CLSTN2: variants seen among roughly 807,000 people sequenced by gnomAD.
CLSTN2 encodes the protein calsyntenin-2.
In CLSTN2, 48 loss-of-function variants were observed where a neutral mutation model predicts 101.2. The ratio of observed to expected loss-of-function variants is 0.47; its 90% CI spans 0.38 to 0.60. The LOEUF is 0.60. CLSTN2 is among the 20% of genes least tolerant of loss of function. CLSTN2 has a pLI of 0.00. For missense variants in CLSTN2, 1,160 were observed against 1,238.2 expected, an observed-to-expected ratio of 0.94 and a Z score of 0.95; for synonymous variants, 481 against 463.6, an observed-to-expected ratio of 1.04 and a Z score of -0.48.
chr3:140,328,850 C>T (rs116132629), intron 2 of CLSTN2, among the ~76,000 whole-genome samples: 1,573 of 152,294 alleles, frequency 0.01, 11 homozygotes, highest in Non-Finnish European at 0.016. Flanking sequence ...TAAACAGTAC[C>T]TGGCATGCAG....
At chr3:140,295,204 A>T (rs917339109) in intron 2 of CLSTN2, among the ~76,000 whole-genome samples, 1 of 152,136 alleles carries the variant, frequency 6.6e-6, no homozygotes, top group Non-Finnish European at 1.5e-5. Context: ...TGATCACATG[A>T]CCATATTTTC....
chr3:140,472,788 T>C (rs1159559401), intron 8 of CLSTN2, among the ~76,000 whole-genome samples: 4 of 152,180 alleles, frequency 2.6e-5, no homozygotes, highest in African/African-American at 9.7e-5. Flanking sequence ...GTGAATAATA[T>C]ATGTATGTGT....
At chr3:140,394,716 G>C (rs188154148) in intron 2 of CLSTN2, among the ~76,000 whole-genome samples, 3 of 152,310 alleles carry the variant, frequency 2.0e-5, no homozygotes, top group Non-Finnish European at 4.4e-5. Flanking sequence ...AGGCAGGTCA[G>C]GGCACAGAAC....
chr3:140,455,828 C>T (rs1040774503), intron 6 of CLSTN2, among the ~76,000 whole-genome samples: 9 of 152,180 alleles, frequency 5.9e-5, no homozygotes, highest in East Asian at 5.8e-4. Flanking sequence ...AAATGAAATA[C>T]AATCTGTTAA....
At chr3:140,157,706 G>A (rs2009977947) in intron 1 of CLSTN2, among the ~76,000 whole-genome samples, 1 of 152,100 alleles carries the variant, frequency 6.6e-6, no homozygotes, top group Non-Finnish European at 1.5e-5. Context: ...TTGATTGTTT[G>A]TATGGATTTC....
At chr3:140,071,832 AAAATAAATAAAT>A (rs142873442) in intron 1 of CLSTN2, among the ~76,000 whole-genome samples, 1 of 149,740 alleles carries the variant, frequency 6.7e-6, no homozygotes, top group African/African-American at 2.5e-5. Flanking sequence ...CTCCGTCTAA[AAAATAAATAAAT>A]AAATAAATAA....
intron 2 of CLSTN2, among the ~76,000 whole-genome samples, chr3:140,233,984 G>C (rs973881746): frequency 1.3e-5 from 2 of 152,176 alleles, no homozygotes; most frequent in Non-Finnish European, 2.9e-5. Context: ...AAGTAGTCAT[G>C]ACAGAAACCA....
intron 2 of CLSTN2, among the ~76,000 whole-genome samples, chr3:140,291,575 T>A (rs2086953712): frequency 6.6e-6 from 1 of 151,956 alleles, no homozygotes; most frequent in Non-Finnish European, 1.5e-5. Flanking sequence ...CTTTTATTCA[T>A]TGTTTCTGCC....
At chr3:140,335,446 T>A (rs963423413) in intron 2 of CLSTN2, among the ~76,000 whole-genome samples, 1 of 135,964 alleles carries the variant, frequency 7.4e-6, no homozygotes, top group Non-Finnish European at 1.6e-5. Flanking sequence ...GCTCAGAAGA[T>A]GTGAAAGGCC....
At chr3:140,106,079 G>T (rs2009053367) in intron 1 of CLSTN2, among the ~76,000 whole-genome samples, 1 of 152,174 alleles carries the variant, frequency 6.6e-6, no homozygotes, top group Non-Finnish European at 1.5e-5. Context: ...ACCTGAAGCT[G>T]CCTTATATAG....
intron 8 of CLSTN2, among the ~76,000 whole-genome samples, chr3:140,515,830 T>C (rs559045402): frequency 6.6e-6 from 1 of 152,280 alleles, no homozygotes; most frequent in East Asian, 1.9e-4. Context: ...GAGTAGAATG[T>C]TCTGTAAATA....
intron 8 of CLSTN2, chr3:140,507,831 A>G (rs1247703526): frequency 2.0e-5 from 3 of 152,160 alleles, no homozygotes; most frequent in African/African-American, 7.2e-5. Flanking sequence ...GTGACCTCAT[A>G]CCAATAAATA....
intron 2 of CLSTN2, among the ~76,000 whole-genome samples, chr3:140,305,817 G>T (rs997772376): frequency 6.0e-5 from 9 of 149,330 alleles, no homozygotes; most frequent in Non-Finnish European, 1.0e-4. Context: ...ATGAATATGG[G>T]TTTTTTTTTT....
At chr3:140,284,125 C>A (rs2107898639) in intron 2 of CLSTN2, among the ~76,000 whole-genome samples, 1 of 152,206 alleles carries the variant, frequency 6.6e-6, no homozygotes, top group African/African-American at 2.4e-5. Context: ...GAGAAGGCAG[C>A]AAGATACTCA....
chr3:140,420,018 G>T (rs71619378), intron 4 of CLSTN2, among the ~76,000 whole-genome samples: 85,545 of 147,676 alleles, frequency 0.58, 27,179 homozygotes, highest in African/African-American at 0.86. Context: ...TCAGCCTCCT[G>T]AGTAGCCGGG....
At chr3:140,433,382 G>C (rs1323000924) in intron 5 of CLSTN2, among the ~76,000 whole-genome samples, 2 of 152,212 alleles carry the variant, frequency 1.3e-5, no homozygotes, top group African/African-American at 4.8e-5. Context: ...GTTATGTAGA[G>C]AGGTGGAACC....
intron 1 of CLSTN2, among the ~76,000 whole-genome samples, chr3:139,953,557 G>C (rs1935329446): frequency 6.6e-6 from 1 of 152,130 alleles, no homozygotes; most frequent in Non-Finnish European, 1.5e-5. Flanking sequence ...TGCTTGCCAA[G>C]TGTGGCAGGT....
At chr3:140,427,002 C>G (rs2088571743) in intron 5 of CLSTN2, among the ~76,000 whole-genome samples, 1 of 151,404 alleles carries the variant, frequency 6.6e-6, no homozygotes, top group South Asian at 2.1e-4. Context: ...TGGCGAATCC[C>G]TGTCTCTACT....
intron 1 of CLSTN2, among the ~76,000 whole-genome samples, chr3:140,140,507 C>A (rs6807785): frequency 0.15 from 22,059 of 152,086 alleles, 4,750 homozygotes; most frequent in African/African-American, 0.47. Flanking sequence ...GCACGAACCC[C>A]TGCATGAGAC....
Sources: gnomAD v4.1 joint callset for allele counts (sites outside exome capture counted in the v4.1 genomes callset) on GRCh38, gnomAD v4.1.1 for gene constraint, MANE v1.5 for transcripts, NCBI Gene and HGNC (gene_info 2026-07-23, HGNC 2026-07-21) for gene names.